The following GRIN2B variants were observed in gnomAD, a reference collection of about 807,000 sequenced individuals.
The protein encoded by GRIN2B is glutamate receptor ionotropic, NMDA 2B.
Under a neutral mutation model 114.5 loss-of-function variants are expected in GRIN2B, and 5 were observed. That is an observed-to-expected ratio of 0.04 (90% CI 0.02 to 0.09). GRIN2B has a LOEUF of 0.09. Among genes scored for constraint, GRIN2B ranks in the 10% least tolerant of loss-of-function variants. The probability of loss-of-function intolerance (pLI) is 1.00; values close to 1 mark genes in which losing one functional copy is unlikely to be tolerated. For missense variants in GRIN2B, 1,108 were observed against 1,943.5 expected, an observed-to-expected ratio of 0.57 and a Z score of 8.08; for synonymous variants, 787 against 745.1, an observed-to-expected ratio of 1.06 and a Z score of -0.92.
intron 2 of GRIN2B, among the ~76,000 whole-genome samples, chr12:13,894,158 C>CA (rs1866313955): frequency 6.6e-6 from 1 of 152,054 alleles, no homozygotes; most frequent in Admixed American, 6.6e-5. Context: ...TTAGAAAAGC[C>CA]ATTTGGCATT....
intron 12 of GRIN2B, among the ~76,000 whole-genome samples, chr12:13,568,267 T>G (rs1948666458): frequency 6.6e-6 from 1 of 152,184 alleles, no homozygotes; most frequent in Non-Finnish European, 1.5e-5. Context: ...CCATGTGCCC[T>G]AGAATGCATC....
At chr12:13,850,619 T>C (rs1761264611) in intron 3 of GRIN2B, among the ~76,000 whole-genome samples, 1 of 152,158 alleles carries the variant, frequency 6.6e-6, no homozygotes, top group Non-Finnish European at 1.5e-5. Flanking sequence ...GGCTATTCCC[T>C]TATTCTGAAT....
At chr12:13,932,986 T>TGTGTGC (rs61241187) in intron 2 of GRIN2B, among the ~76,000 whole-genome samples, 3,160 of 148,344 alleles carry the variant, frequency 0.021, 41 homozygotes, top group African/African-American at 0.041. Flanking sequence ...TGTGTGTGTG[T>TGTGTGC]GCGTGTGCGT....
At position 13,556,562 on chromosome 12, in the gene GRIN2B, C is replaced by G. The variant is rs1948481409; in HGVS notation, c.*6221G>C. On this transcript the variant is annotated 3_prime_UTR_variant, in exon 14 of 14. Coordinates refer to ENST00000609686, the MANE Select transcript of GRIN2B (RefSeq NM_000834.5). Reference sequence around the variant, plus strand: ...CTAAATCACAACATTAAAATAATTACCGATAAAAGAGTTCAGGTTTAAAGT... The same window carrying G: ...CTAAATCACAACATTAAAATAATTAGCGATAAAAGAGTTCAGGTTTAAAGT... The G allele has an allele frequency of 6.6e-6, 1 of 152,068 alleles. No individual in the cohort carries two copies. The highest frequency in any genetic ancestry group is 1.5e-5 in the Non-Finnish European group (1 of 67,994). The allele number at this position is 152,068 out of a possible 1,614,324, so 9.4% of individuals were successfully genotyped here. A position where few individuals can be genotyped will look rare whatever the true frequency, so the allele number is the denominator to read the frequency against.
At chr12:13,925,838 C>A (rs973600150) in intron 2 of GRIN2B, among the ~76,000 whole-genome samples, 1 of 152,076 alleles carries the variant, frequency 6.6e-6, no homozygotes, top group Non-Finnish European at 1.5e-5. Flanking sequence ...ATAAGTACTG[C>A]GAATGACCTA....
rs1030616650 is a variant in GRIN2B, at chr12:13,979,973, T to C, written c.-64A>G. The C allele has an allele frequency of 6.6e-5, 10 of 152,060 alleles. No homozygotes were observed. Among genetic ancestry groups the C allele is most frequent in the African/African-American group, 2.4e-4 (10 of 41,398 alleles). 9.4% of individuals were successfully genotyped at this position (152,060 alleles called of 1,614,324 possible). On this transcript the variant is annotated 5_prime_UTR_variant, in exon 2 of 14. Coordinates refer to ENST00000609686, the MANE Select transcript of GRIN2B (RefSeq NM_000834.5). ...CCTCTAGACGGACAGATTAAGGGAG[T>C]GAGCATGTTGGGAATGTCCAGTCCC...
chr12:13,883,321 T>G (rs1243213500), intron 2 of GRIN2B, among the ~76,000 whole-genome samples: 1 of 152,164 alleles, frequency 6.6e-6, no homozygotes, highest in East Asian at 1.9e-4. Flanking sequence ...CATTTATATT[T>G]AATTGCCAAA....
In GRIN2B at chr12:13,690,367, TCTCTCTCA is replaced by T. The variant is rs1240682308; in HGVS notation, c.1011-14516_1011-14509del. On this transcript the variant is annotated intron_variant, in intron 4 of 13. Coordinates refer to ENST00000609686, the MANE Select transcript of GRIN2B (RefSeq NM_000834.5). ...ATACTTTTTTTTGCCTCTCTCTCTC[TCTCTCTCA>T]CACACACACACACACACACATGCAA... 6.9e-3 allele frequency among the ~76,000 whole-genome samples: 406 copies of T among 58,756 alleles called. 1 individual carries two copies. The highest frequency in any genetic ancestry group is 0.012 in the Non-Finnish European group (295 of 24,868). 38.5% of individuals were successfully genotyped at this position (58,756 alleles called of 152,430 possible). A position where few individuals can be genotyped will look rare whatever the true frequency, so the allele number is the denominator to read the frequency against.
chr12:13,900,210 AT>A (rs1190340339), intron 2 of GRIN2B, among the ~76,000 whole-genome samples: 1 of 152,200 alleles, frequency 6.6e-6, no homozygotes, highest in Non-Finnish European at 1.5e-5. Flanking sequence ...ACGGTGGCTC[AT>A]GCCTGTAATC....
intron 2 of GRIN2B, among the ~76,000 whole-genome samples, chr12:13,868,334 CAG>C (rs1241185596): frequency 6.6e-6 from 1 of 152,034 alleles, no homozygotes; most frequent in African/African-American, 2.4e-5. Flanking sequence ...GCAGGAGAAA[CAG>C]GGCCTGAATT....
intron 2 of GRIN2B, among the ~76,000 whole-genome samples, chr12:13,963,976 G>A (rs1300912232): frequency 1.3e-5 from 2 of 152,096 alleles, no homozygotes; most frequent in South Asian, 2.1e-4. Flanking sequence ...AGAACCTTAC[G>A]AGAAATTTTA....
rs1349286830 is a variant in GRIN2B at position 13,553,182 on chromosome 12, A to C, written c.*9601T>G. ...TAGAAAGAATGATTGATAGATTGCT[A>C]AGTAGAGCCAAGAGAGGAGGAGGAA... On this transcript the variant is annotated 3_prime_UTR_variant, in exon 14 of 14. Transcript: ENST00000609686. 1 of 152,278 alleles carries C rather than the reference A, an allele frequency of 6.6e-6. No individual in the cohort carries two copies. Among genetic ancestry groups the C allele is most frequent in the African/African-American group, 2.4e-5 (1 of 41,448 alleles). 9.4% of individuals were successfully genotyped at this position (152,278 alleles called of 1,614,324 possible).
intron 4 of GRIN2B, among the ~76,000 whole-genome samples, chr12:13,697,909 G>A (rs1950275756): frequency 1.3e-5 from 2 of 152,168 alleles, no homozygotes; most frequent in Non-Finnish European, 2.9e-5. Flanking sequence ...ATGTGACACT[G>A]CAACTTGCAC....
intron 4 of GRIN2B, among the ~76,000 whole-genome samples, chr12:13,719,852 C>G (rs889568046): frequency 4.6e-5 from 7 of 151,988 alleles, no homozygotes; most frequent in Non-Finnish European, 5.9e-5. Context: ...GTGCTTTTGT[C>G]CATTAAAATT....
At chr12:13,905,423 G>T (rs1051898595) in intron 2 of GRIN2B, among the ~76,000 whole-genome samples, 1 of 152,068 alleles carries the variant, frequency 6.6e-6, no homozygotes, top group South Asian at 2.1e-4. Flanking sequence ...TACTTTTTGC[G>T]CTTTCCTGGT....
rs540316510 is a variant in GRIN2B, at chr12:13,943,648, C to T, written c.-19+36280G>A. On this transcript the variant is annotated intron_variant, in intron 2 of 13. Coordinates refer to ENST00000609686, the MANE Select transcript of GRIN2B (RefSeq NM_000834.5). ...TCCAAGGTCTTTGTATTTGTTGTTT[C>T]CTCAGCCTGGGACGCTCTCATCCCA... 2.0e-5 allele frequency among the ~76,000 whole-genome samples: 3 copies of T among 152,200 alleles called. No homozygotes were observed. In the East Asian group the frequency reaches 5.8e-4, roughly 29 times the overall value.
At chr12:13,567,468 G>C (rs911033416) in intron 12 of GRIN2B, among the ~76,000 whole-genome samples, 1 of 152,192 alleles carries the variant, frequency 6.6e-6, no homozygotes, top group Admixed American at 6.5e-5. Flanking sequence ...TACTTAGTAA[G>C]CATTCAATAA....
chr12:13,825,049 A>G (rs1404568478), intron 3 of GRIN2B, among the ~76,000 whole-genome samples: 3 of 152,038 alleles, frequency 2.0e-5, no homozygotes, highest in Non-Finnish European at 4.4e-5. Flanking sequence ...TCTTTTGAAT[A>G]TAATCATTTA....
At chr12:13,817,110 T>A (rs1864838362) in intron 3 of GRIN2B, among the ~76,000 whole-genome samples, 1 of 152,088 alleles carries the variant, frequency 6.6e-6, no homozygotes, top group African/African-American at 2.4e-5. Context: ...TCAATTTCTA[T>A]CCCTTGGTCA....
Sources: allele counts gnomAD v4.1 joint callset (sites outside exome capture counted in the v4.1 genomes callset), GRCh38; gene constraint gnomAD v4.1.1; transcripts MANE v1.5; gene names NCBI Gene and HGNC (gene_info 2026-07-23, HGNC 2026-07-21).